The following GCC2 variants were observed in gnomAD, a reference collection of about 807,000 sequenced individuals.
GCC2 encodes the protein GRIP and coiled-coil domain-containing protein 2.
A neutral mutation model predicts 210.6 loss-of-function variants in GCC2; 120 were observed. The observed-to-expected ratio is 0.57, with a 90% CI of 0.49 to 0.66. The LOEUF is 0.66. Among genes scored for constraint, GCC2 ranks in the 30% least tolerant of loss-of-function variants. GCC2 has a pLI of 0.00. For synonymous variants in GCC2, 703 were observed against 652.7 expected, an observed-to-expected ratio of 1.08 and a Z score of -1.17; for missense variants, 1,868 against 1,871.9, an observed-to-expected ratio of 1.00 and a Z score of 0.04.
chr2:108,449,403 G>A, intron 1 of GCC2, 123 bp downstream of exon 1: 1 of 1,435,666 alleles, frequency 7.0e-7, no homozygotes. Flanking sequence ...CCGCGCTGCT[G>A]TCGCCTCCCC....
At chr2:108,478,262 CA>C (rs1295939176) in intron 9 of GCC2, among the ~76,000 whole-genome samples, 1 of 111,992 alleles carries the variant, frequency 8.9e-6, no homozygotes, top group Non-Finnish European at 1.9e-5. Flanking sequence ...TTTAAATTTT[CA>C]AATTTCATTA....
chr2:108,487,136 TA>T (rs769408758), intron 16 of GCC2, among the ~76,000 whole-genome samples: 1 of 152,202 alleles, frequency 6.6e-6, no homozygotes, highest in Non-Finnish European at 1.5e-5. Flanking sequence ...ACTTAACACT[TA>T]ACCACCCTGT....
At position 108,492,807 on chromosome 2, in the gene GCC2, G is replaced by C. The variant is rs1682472063; in HGVS notation, c.4447+17G>C. 2.0e-6 allele frequency: 3 copies of C among 1,506,942 alleles called. No individual in the cohort carries two copies. Among genetic ancestry groups the C allele is most frequent in the Admixed American group, 1.7e-5 (1 of 59,840 alleles). 93.3% of individuals were successfully genotyped at this position (1,506,942 alleles called of 1,614,324 possible). ...CCACAAGAAGTATGTATGTACACAT[G>C]GAAATATTAGTTGTTCATGTTTTCA... On this transcript the variant is annotated intron_variant, in intron 19 of 22. Coordinates refer to ENST00000309863, the MANE Select transcript of GCC2 (RefSeq NM_181453.4).
rs74345993 is a variant in GCC2 at position 108,477,392 on chromosome 2, C to T, written c.3060+1542C>T. Among the ~76,000 whole-genome samples the T allele has an allele frequency of 1.1e-3, 161 of 152,274 alleles. 1 individual carries two copies. The East Asian group carries it at 0.03, about 28-fold the overall frequency. On this transcript the variant is annotated intron_variant, in intron 9 of 22. Transcript: ENST00000309863. ...CAAGTATATTAGCATCAACACTTTACAAGTGAGGACTCTGAGGCATAAATA... is the reference window on the plus strand; with the variant it reads ...CAAGTATATTAGCATCAACACTTTATAAGTGAGGACTCTGAGGCATAAATA...
intron 2 of GCC2, among the ~76,000 whole-genome samples, chr2:108,450,450 TAAATC>T (rs1409626208): frequency 6.6e-6 from 1 of 152,256 alleles, no homozygotes; most frequent in Non-Finnish European, 1.5e-5. Flanking sequence ...ATTTTACAAT[TAAATC>T]AAAAGCTAGC....
In GCC2 at chr2:108,475,830, C is replaced by A; in HGVS notation, c.3040C>A (p.Gln1014Lys). ...QLSASMRDLI[Q>K]GAESYKNLLL... ...ATCTGCTTCCATGAGAGATCTCATT[C>A]AAGGAGCAGAAAGCTATAAGGTAAA... Residue 1014 changes from glutamine to lysine, a missense_variant, in exon 9 of 23, where the codon CAA becomes AAA. This residue lies in a region of GCC2 where 1,847 missense variants were observed against 1,765.2 expected (regional missense o/e 1.05). Transcript: ENST00000309863. 3 of 1,577,974 alleles carry A rather than the reference C, an allele frequency of 1.9e-6. No individual in the cohort carries two copies. The highest frequency in any genetic ancestry group is 2.6e-6 in the Non-Finnish European group (3 of 1,158,236).
At chr2:108,491,683 G>A (rs1240288114) in intron 18 of GCC2, among the ~76,000 whole-genome samples, 1 of 151,838 alleles carries the variant, frequency 6.6e-6, no homozygotes, top group Non-Finnish European at 1.5e-5. Flanking sequence ...ATTAATAAGG[G>A]GCTTTTACTT....
chr2:108,478,124 TGTAAA>T (rs1681638949), intron 9 of GCC2, among the ~76,000 whole-genome samples: 3 of 152,194 alleles, frequency 2.0e-5, no homozygotes, highest in Admixed American at 2.0e-4. Flanking sequence ...TCTCTTAAAA[TGTAAA>T]GAAGCAAGTT....
Position 108,470,723 on chromosome 2 carries a change from AGT to A in GCC2, c.1398_1399del (p.Cys466Ter). On this transcript the variant is annotated frameshift_variant, in exon 6 of 23. Transcript: ENST00000309863. LOFTEE classifies it high-confidence loss of function. ...TTTGAAATACAGGGTCTTAAGGAACAGTGTGAAAACCTACAGCAAGAAAAGCA... is the reference window on the plus strand; with the variant it reads ...TTTGAAATACAGGGTCTTAAGGAACAGTGAAAACCTACAGCAAGAAAAGCA... 1 of 1,612,666 alleles carries A rather than the reference AGT, an allele frequency of 6.2e-7. No homozygotes were observed. Among genetic ancestry groups the A allele is most frequent in the Non-Finnish European group, 8.5e-7 (1 of 1,179,438 alleles).
chr2:108,488,050 C>T (rs1682234689), intron 17 of GCC2, among the ~76,000 whole-genome samples: 1 of 151,710 alleles, frequency 6.6e-6, no homozygotes, highest in South Asian at 2.1e-4. Flanking sequence ...GGATTACAGG[C>T]GTGTACCATC....
intron 6 of GCC2, among the ~76,000 whole-genome samples, chr2:108,472,607 C>CT (rs201363071): frequency 1.6e-3 from 228 of 141,312 alleles, no homozygotes; most frequent in South Asian, 2.7e-3. Flanking sequence ...TTGGTTACTA[C>CT]TTTTTTTTTT....
intron 4 of GCC2, among the ~76,000 whole-genome samples, chr2:108,465,142 T>G (rs1285960147): frequency 6.6e-6 from 1 of 152,226 alleles, no homozygotes; most frequent in African/African-American, 2.4e-5. Flanking sequence ...ACATGAGATT[T>G]GGGTGGGGAC....
At chr2:108,493,309 C>T (rs960303195) in intron 19 of GCC2, 9 of 616,676 alleles carry the variant, frequency 1.5e-5, no homozygotes, top group South Asian at 6.6e-5. Flanking sequence ...AGGATAGTCT[C>T]GATCTCCTGA....
Position 108,470,886 on chromosome 2 carries a change from G to A in GCC2, c.1557G>A (p.Leu519=). 1 of 1,613,610 alleles carries A rather than the reference G, an allele frequency of 6.2e-7. No homozygotes were observed. Among genetic ancestry groups the A allele is most frequent in the Non-Finnish European group, 8.5e-7 (1 of 1,179,744 alleles). ...AGCAAGCATCTGATGTTCATGAACT[G>A]CAGCAGAAGCTCAGAACTGCTTTTA... The part of the protein sequence containing the change: ...KQQQASDVHE[L]QQKLRTAFTE... Residue 519 remains leucine, a synonymous_variant, in exon 6 of 23, where the codon CTG becomes CTA. Coordinates refer to ENST00000309863, the MANE Select transcript of GCC2 (RefSeq NM_181453.4).
chr2:108,461,990 C>T (rs1157585166), intron 4 of GCC2, among the ~76,000 whole-genome samples: 1 of 131,686 alleles, frequency 7.6e-6, no homozygotes, highest in Admixed American at 8.3e-5. Flanking sequence ...CCACCACCGC[C>T]CCCAGCTAAT....
At chr2:108,469,150 G>A in intron 5 of GCC2, 66 bp downstream of exon 5, 2 of 891,686 alleles carry the variant, frequency 2.2e-6, no homozygotes, top group African/African-American at 1.7e-5. Context: ...AATTTTAGAG[G>A]TAAGACTTTA....
At chr2:108,458,277 G>T (rs1205001093) in intron 4 of GCC2, among the ~76,000 whole-genome samples, 2 of 151,690 alleles carry the variant, frequency 1.3e-5, no homozygotes, top group African/African-American at 4.8e-5. Context: ...TTTGATCATG[G>T]TGTATTATCT....
rs965809112 is a variant in GCC2, at chr2:108,449,869, A to G, written c.63+180A>G. Reference sequence around the variant, plus strand: ...CTGTTTCTCCCCCGCCCACCCCGATATAGAAAGACTTTTTGTTTGCTTCCT... The same window carrying G: ...CTGTTTCTCCCCCGCCCACCCCGATGTAGAAAGACTTTTTGTTTGCTTCCT... On this transcript the variant is annotated intron_variant, in intron 2 of 22. Coordinates refer to ENST00000309863, the MANE Select transcript of GCC2 (RefSeq NM_181453.4). The G allele has an allele frequency of 3.4e-5, 20 of 589,552 alleles. No homozygotes were observed. The East Asian group carries it at 5.1e-4, about 15-fold the overall frequency. The allele number at this position is 589,552 out of a possible 1,614,324, so 36.5% of individuals were successfully genotyped here.
rs1339597888 is a variant in GCC2, at chr2:108,497,083, A to C, written c.4756A>C (p.Asn1586His). ...NGLLRETEAT[N>H]AILMEQIKLL... Reference sequence around the variant, plus strand: ...CCTGCTTCGGGAAACAGAAGCAACCAATGCAATTCTTATGGAGCAAATTAA... The same window carrying C: ...CCTGCTTCGGGAAACAGAAGCAACCCATGCAATTCTTATGGAGCAAATTAA... The change falls in exon 21 of 23, where the codon AAT becomes CAT. Residue 1586 changes from asparagine to histidine, a missense_variant. This residue lies in a region of GCC2 where 1,847 missense variants were observed against 1,765.2 expected (regional missense o/e 1.05). Coordinates refer to ENST00000309863, the MANE Select transcript of GCC2 (RefSeq NM_181453.4). 2.5e-6 allele frequency: 4 copies of C among 1,611,926 alleles called. No homozygotes were observed. The highest frequency in any genetic ancestry group is 3.4e-6 in the Non-Finnish European group (4 of 1,179,866).
Sources: gnomAD v4.1 joint callset for allele counts (sites outside exome capture counted in the v4.1 genomes callset) on GRCh38, gnomAD v4.1.1 for gene constraint, gnomAD v4.1.1 regional missense constraint, MANE v1.5 for transcripts, NCBI Gene and HGNC (gene_info 2026-07-23, HGNC 2026-07-21) for gene names.